NTM: variants seen among roughly 807,000 people sequenced by gnomAD.
NTM encodes the protein IgLON family member 2.
In NTM, 13 loss-of-function variants were observed where a neutral mutation model predicts 42.1. The ratio of observed to expected loss-of-function variants is 0.31; its 90% CI spans 0.20 to 0.49. The LOEUF (loss-of-function observed/expected upper bound fraction) is 0.49. NTM is among the 20% of genes least tolerant of loss of function. The pLI is 0.99. For synonymous variants in NTM, 187 were observed against 179.2 expected, an observed-to-expected ratio of 1.04 and a Z score of -0.35; for missense variants, 373 against 452.8, an observed-to-expected ratio of 0.82 and a Z score of 1.60.
chr11:132,200,997 G>GT (rs1400427873), intron 3 of NTM, among the ~76,000 whole-genome samples: 2 of 152,200 alleles, frequency 1.3e-5, no homozygotes, highest in Non-Finnish European at 2.9e-5. Context: ...ATAGCAAAAT[G>GT]TTTTTTCTCT....
chr11:132,173,404 GC>G (rs2076365224), intron 3 of NTM, among the ~76,000 whole-genome samples: 1 of 152,176 alleles, frequency 6.6e-6, no homozygotes, highest in South Asian at 2.1e-4. Flanking sequence ...TGAACGTCAT[GC>G]TTTTAACCGT....
At chr11:132,035,686 A>C (rs1010194859) in intron 2 of NTM, among the ~76,000 whole-genome samples, 1 of 151,950 alleles carries the variant, frequency 6.6e-6, no homozygotes, top group Non-Finnish European at 1.5e-5. Context: ...GCCCATGTAC[A>C]TGTGTAATGT....
rs566227270 is a variant in NTM, at chr11:131,454,806, G to A, written c.82+83918G>A. Among the ~76,000 whole-genome samples the A allele has an allele frequency of 2.0e-5, 3 of 149,558 alleles. No homozygotes were observed. In the East Asian group the frequency reaches 5.8e-4, roughly 29 times the overall value. On this transcript the variant is annotated intron_variant, in intron 1 of 8. Coordinates refer to ENST00000683400, the MANE Select transcript of NTM (RefSeq NM_001352005.2). Reference sequence around the variant, plus strand: ...CCTCCACACCCTGATTTGATATTACGCTGGGGCCACAGAGAGAAGAAAAAT... The same window carrying A: ...CCTCCACACCCTGATTTGATATTACACTGGGGCCACAGAGAGAAGAAAAAT...
intron 2 of NTM, among the ~76,000 whole-genome samples, chr11:132,091,295 C>T (rs2060345543): frequency 1.3e-5 from 2 of 151,902 alleles, no homozygotes. Flanking sequence ...GTAATCCCAG[C>T]TACTTGGGAG....
intron 1 of NTM, chr11:131,767,130 C>T: frequency 1.0e-6 from 1 of 982,724 alleles, no homozygotes; most frequent in Non-Finnish European, 1.2e-6. Context: ...ATGTAAGGAT[C>T]AACAGTTCAG....
chr11:132,194,551 T>C (rs1198199322), intron 3 of NTM, among the ~76,000 whole-genome samples: 1 of 152,024 alleles, frequency 6.6e-6, no homozygotes, highest in East Asian at 1.9e-4. Context: ...CCTTGAGAAA[T>C]TCAACAAGGC....
chr11:131,827,423 G>A (rs145619982), intron 1 of NTM, among the ~76,000 whole-genome samples: 8 of 152,280 alleles, frequency 5.3e-5, no homozygotes, highest in African/African-American at 1.9e-4. Context: ...ACAAGGAGTG[G>A]CTGACTGTTA....
intron 2 of NTM, among the ~76,000 whole-genome samples, chr11:132,107,767 T>A (rs1309980783): frequency 2.0e-5 from 3 of 152,114 alleles, no homozygotes; most frequent in Non-Finnish European, 4.4e-5. Flanking sequence ...TGTTCTTGAC[T>A]TCCATGACAC....
chr11:131,829,648 T>C (rs184542282), intron 1 of NTM, among the ~76,000 whole-genome samples: 66 of 152,312 alleles, frequency 4.3e-4, no homozygotes, highest in African/African-American at 1.3e-3. Context: ...AAGAAATATA[T>C]GTGTGAATGC....
intron 1 of NTM, among the ~76,000 whole-genome samples, chr11:131,533,090 G>A (rs903662854): frequency 2.0e-5 from 3 of 152,064 alleles, no homozygotes; most frequent in African/African-American, 7.2e-5. Context: ...AATTTTTATT[G>A]TTGTTGTTCT....
intron 1 of NTM, among the ~76,000 whole-genome samples, chr11:131,484,898 A>G (rs1015973478): frequency 4.6e-5 from 7 of 152,236 alleles, no homozygotes; most frequent in Admixed American, 6.5e-5. Flanking sequence ...GAACATAAGC[A>G]TTGAAATCAG....
intron 1 of NTM, among the ~76,000 whole-genome samples, chr11:131,374,668 G>A (rs770532254): frequency 3.3e-5 from 5 of 152,114 alleles, no homozygotes; most frequent in African/African-American, 7.2e-5. Flanking sequence ...CTCTGCCTGC[G>A]TACTGTCTGC....
At chr11:131,647,972 C>T (rs532664298) in intron 1 of NTM, among the ~76,000 whole-genome samples, 13 of 152,164 alleles carry the variant, frequency 8.5e-5, no homozygotes, top group African/African-American at 3.1e-4. Context: ...AGCCTAGTAC[C>T]CAATAGTTAT....
At chr11:131,787,600 G>A (rs1198359425) in intron 1 of NTM, among the ~76,000 whole-genome samples, 1 of 152,034 alleles carries the variant, frequency 6.6e-6, no homozygotes, top group Non-Finnish European at 1.5e-5. Flanking sequence ...TGGCCAGGAT[G>A]GTCTGGATCT....
At chr11:132,112,754 C>T (rs960034729) in intron 2 of NTM, among the ~76,000 whole-genome samples, 1 of 150,344 alleles carries the variant, frequency 6.7e-6, no homozygotes, top group Non-Finnish European at 1.5e-5. Context: ...CACACACACA[C>T]ACACATTACA....
At position 131,843,510 on chromosome 11, in the gene NTM, C is replaced by A. The variant is rs569680283; in HGVS notation, c.83-68054C>A. On this transcript the variant is annotated intron_variant, in intron 1 of 8. Coordinates refer to ENST00000683400, the MANE Select transcript of NTM (RefSeq NM_001352005.2). ...ATGACTATTACCACTGTTTAGCTCT[C>A]CATTATTGCAAGACCTGTGGGCTGT... Among the ~76,000 whole-genome samples the A allele has an allele frequency of 3.3e-5, 5 of 152,290 alleles. No homozygotes were observed. The South Asian group carries it at 1.0e-3, about 32-fold the overall frequency.
intron 1 of NTM, among the ~76,000 whole-genome samples, chr11:131,416,351 T>A (rs1946950412): frequency 6.6e-6 from 1 of 152,212 alleles, no homozygotes; most frequent in Non-Finnish European, 1.5e-5. Context: ...AAACTCATCA[T>A]TTTTTACCAT....
At chr11:131,513,886 A>G (rs1308283216) in intron 1 of NTM, among the ~76,000 whole-genome samples, 1 of 152,074 alleles carries the variant, frequency 6.6e-6, no homozygotes, top group African/African-American at 2.4e-5. Context: ...GTGGCTTTCC[A>G]GGGTCAGAGC....
At chr11:131,982,071 C>A (rs2134927507) in intron 2 of NTM, among the ~76,000 whole-genome samples, 1 of 151,698 alleles carries the variant, frequency 6.6e-6, no homozygotes, top group Non-Finnish European at 1.5e-5. Flanking sequence ...GAAAACAACA[C>A]AACAAAAAAC....
Sources: allele counts gnomAD v4.1 joint callset (sites outside exome capture counted in the v4.1 genomes callset), GRCh38; gene constraint gnomAD v4.1.1; transcripts MANE v1.5; gene names NCBI Gene and HGNC (gene_info 2026-07-23, HGNC 2026-07-21).